The following TPST1 variants were observed in gnomAD, a reference collection of about 807,000 sequenced individuals.
The protein encoded by TPST1 is tyrosylprotein sulfotransferase 1.
In TPST1, 20 loss-of-function variants were observed where a neutral mutation model predicts 34.8. That is an observed-to-expected ratio of 0.57 (90% confidence interval 0.40 to 0.84). The LOEUF is 0.84. Ranked by LOEUF, TPST1 falls within the 40% of genes least tolerant of loss-of-function variation. The pLI is 0.00. For missense variants in TPST1, 353 were observed against 455.5 expected (o/e 0.78, Z 2.05); for synonymous variants, 152 against 159.4 (o/e 0.95, Z 0.35).
chr7:66,263,462 A>G (rs1790528608), intron 2 of TPST1, among the ~76,000 whole-genome samples: 1 of 152,072 alleles, frequency 6.6e-6, no homozygotes, highest in Non-Finnish European at 1.5e-5. Flanking sequence ...GCTTATCACT[A>G]TAGAGTCCTA....
chr7:66,207,411 C>T (rs1562794832), intron 1 of TPST1, among the ~76,000 whole-genome samples: 2 of 152,190 alleles, frequency 1.3e-5, no homozygotes, highest in African/African-American at 4.8e-5. Flanking sequence ...AATATCCTTT[C>T]CTCTGATCTC....
At chr7:66,235,842 G>T (rs1483969127) in intron 1 of TPST1, among the ~76,000 whole-genome samples, 2 of 152,126 alleles carry the variant, frequency 1.3e-5, no homozygotes, top group African/African-American at 4.8e-5. Flanking sequence ...CGAAGCAAAG[G>T]CAGGAAGACT....
intron 3 of TPST1, among the ~76,000 whole-genome samples, chr7:66,339,032 A>G (rs992115533): frequency 2.6e-5 from 4 of 152,038 alleles, no homozygotes; most frequent in African/African-American, 7.2e-5. Flanking sequence ...AAAAGAATAC[A>G]AAGATCAATG....
chr7:66,231,410 G>A lies in TPST1; in HGVS notation c.-101-8915G>A, dbSNP rs539810142. On this transcript the variant is annotated intron_variant, in intron 1 of 5. Coordinates refer to ENST00000304842, the MANE Select transcript of TPST1 (RefSeq NM_003596.4). ...TGGGACTGGGTGCCGTGGAGCAGGG[G>A]GTGGCACTTGTCAGGGAAGCTGGGG... 2.6e-5 allele frequency among the ~76,000 whole-genome samples: 4 copies of A among 152,358 alleles called. No homozygotes were observed. The East Asian group carries it at 7.7e-4, about 29-fold the overall frequency.
chr7:66,286,503 G>T lies in TPST1; in HGVS notation c.846-8G>T. 1.9e-6 allele frequency: 3 copies of T among 1,550,010 alleles called. No individual in the cohort carries two copies. The highest frequency in any genetic ancestry group is 2.8e-5 in the African/African-American group (2 of 72,590). The stretch of plus-strand genomic sequence containing the variant: ...AATAAATATTTATTCATATTATGTT[G>T]TTTTCAGAGTGGAGAGATCTACAGA... On this transcript the variant is annotated splice_region_variant and splice_polypyrimidine_tract_variant and intron_variant, in intron 2 of 5. Transcript: ENST00000304842.
intron 2 of TPST1, among the ~76,000 whole-genome samples, chr7:66,283,938 G>A (rs1790982062): frequency 6.6e-6 from 1 of 152,178 alleles, no homozygotes; most frequent in South Asian, 2.1e-4. Flanking sequence ...CACATAGTGG[G>A]TATTTAAGAA....
intron 1 of TPST1, among the ~76,000 whole-genome samples, chr7:66,224,577 CTT>C (rs1264495151): frequency 2.0e-5 from 3 of 152,176 alleles, no homozygotes; most frequent in Non-Finnish European, 4.4e-5. Flanking sequence ...TGAATGTGCT[CTT>C]GAGTGTGTGT....
chr7:66,326,977 T>C (rs992426724), intron 3 of TPST1, among the ~76,000 whole-genome samples: 1 of 152,240 alleles, frequency 6.6e-6, no homozygotes, highest in Non-Finnish European at 1.5e-5. Context: ...AATGAAAATA[T>C]GTAAACATGA....
chr7:66,219,047 ATT>A (rs376698635), intron 1 of TPST1, among the ~76,000 whole-genome samples: 1 of 108,900 alleles, frequency 9.2e-6, no homozygotes, highest in African/African-American at 3.5e-5. Context: ...CGCCTGGCTA[ATT>A]TTTTTTTTTT....
chr7:66,301,811 G>A (rs188095576), intron 3 of TPST1, among the ~76,000 whole-genome samples: 167 of 152,260 alleles, frequency 1.1e-3, no homozygotes, highest in African/African-American at 3.6e-3. Flanking sequence ...GCACATCACC[G>A]TAACAGATAC....
At chr7:66,339,833 T>TAAAAAAAAA (rs71526540) in intron 3 of TPST1, among the ~76,000 whole-genome samples, 5 of 112,448 alleles carry the variant, frequency 4.4e-5, no homozygotes, top group African/African-American at 3.4e-5. Flanking sequence ...CCCCTCAACC[T>TAAAAAAAAA]AAAAAAAAAA....
At chr7:66,208,425 A>C (rs1319224542) in intron 1 of TPST1, among the ~76,000 whole-genome samples, 1 of 152,042 alleles carries the variant, frequency 6.6e-6, no homozygotes, top group Non-Finnish European at 1.5e-5. Context: ...GTGTTTCCAC[A>C]GCACCCTGTA....
chr7:66,267,445 A>T (rs1790613993), intron 2 of TPST1, among the ~76,000 whole-genome samples: 1 of 145,400 alleles, frequency 6.9e-6, no homozygotes, highest in African/African-American at 2.5e-5. Flanking sequence ...TGTAGGCCAT[A>T]AAAAAAAAAA....
chr7:66,297,829 A>G (rs1368651780), intron 3 of TPST1, among the ~76,000 whole-genome samples: 2 of 152,208 alleles, frequency 1.3e-5, no homozygotes, highest in African/African-American at 4.8e-5. Context: ...TCCTATACTC[A>G]GCAAAAACTG....
chr7:66,228,968 C>G (rs1789720791), intron 1 of TPST1, among the ~76,000 whole-genome samples: 1 of 152,122 alleles, frequency 6.6e-6, no homozygotes, highest in South Asian at 2.1e-4. Context: ...ACTTTTGATA[C>G]ATATATTGAG....
chr7:66,305,579 A>G (rs1791406143), intron 3 of TPST1, among the ~76,000 whole-genome samples: 1 of 152,104 alleles, frequency 6.6e-6, no homozygotes. Flanking sequence ...CAGCCTAGCT[A>G]TTATAGTACC....
chr7:66,353,594 G>A (rs980505050), intron 4 of TPST1, among the ~76,000 whole-genome samples: 10 of 152,246 alleles, frequency 6.6e-5, no homozygotes, highest in African/African-American at 2.2e-4. Flanking sequence ...ATGCCTAGAG[G>A]AGCCCGGCAT....
chr7:66,221,199 C>G (rs1419991487), intron 1 of TPST1, among the ~76,000 whole-genome samples: 3 of 151,514 alleles, frequency 2.0e-5, no homozygotes, highest in African/African-American at 7.3e-5. Context: ...AGTCAGAACT[C>G]AGACCATTTA....
intron 2 of TPST1, among the ~76,000 whole-genome samples, chr7:66,263,415 C>T (rs1790527924): frequency 1.3e-5 from 2 of 152,132 alleles, no homozygotes; most frequent in South Asian, 4.1e-4. Flanking sequence ...CCTAATTGCT[C>T]AGTTTCTCAT....
Sources: gnomAD v4.1 joint callset for allele counts (sites outside exome capture counted in the v4.1 genomes callset) on GRCh38, gnomAD v4.1.1 for gene constraint, MANE v1.5 for transcripts, NCBI Gene and HGNC (gene_info 2026-07-23, HGNC 2026-07-21) for gene names.